The following FSTL4 variants were observed in gnomAD, a reference collection of about 807,000 sequenced individuals.
FSTL4 encodes the protein follistatin like 4, also known as follistatin-related protein 4.
FSTL4 carries 28 observed loss-of-function variants against 78.2 expected under a neutral mutation model. The observed-to-expected ratio is 0.36, with a 90% CI of 0.27 to 0.49. The LOEUF is 0.49. Among genes scored for constraint, FSTL4 ranks in the 20% least tolerant of loss-of-function variants. FSTL4 has a pLI of 0.98. For synonymous variants in FSTL4, 422 were observed against 440.5 expected, an observed-to-expected ratio of 0.96 and a Z score of 0.53; for missense variants, 922 against 1,084.9, an observed-to-expected ratio of 0.85 and a Z score of 2.11.
chr5:133,486,206 A>G lies in FSTL4; in HGVS notation c.160+80980T>C, dbSNP rs542798764. 7.9e-5 allele frequency among the ~76,000 whole-genome samples: 12 copies of G among 152,176 alleles called. No individual in the cohort carries two copies. In the East Asian group the frequency reaches 2.3e-3, roughly 30 times the overall value. ...GAGATCGGGAGCAAGAGACTGACAC[A>G]CACAGACACACTACGAGAGTATCAG... On this transcript the variant is annotated intron_variant, in intron 3 of 15. Transcript: ENST00000265342.
At chr5:133,625,760 C>CATATATATTCCATAT in the FSTL4 span, among the ~76,000 whole-genome samples, 107 of 18,472 alleles carry the variant, frequency 5.8e-3, 42 homozygotes, top group South Asian at 0.017. Context: ...ATATATATTC[C>CATATATATTCCATAT]ATATATATTC....
intron 3 of FSTL4, among the ~76,000 whole-genome samples, chr5:133,428,789 T>C (rs1580702758): frequency 6.6e-6 from 1 of 152,072 alleles, no homozygotes; most frequent in Middle Eastern, 3.4e-3. Flanking sequence ...TTCCAAAGGG[T>C]TTTTCTGTTA....
intron 3 of FSTL4, among the ~76,000 whole-genome samples, chr5:133,545,075 C>T (rs529767936): frequency 6.6e-6 from 1 of 152,296 alleles, no homozygotes; most frequent in African/African-American, 2.4e-5. Flanking sequence ...CCTTATATCA[C>T]ACCTGAGTTT....
chr5:133,233,210 T>C (rs977544685), intron 8 of FSTL4, among the ~76,000 whole-genome samples: 3 of 152,242 alleles, frequency 2.0e-5, no homozygotes, highest in African/African-American at 7.2e-5. Context: ...GTTTCACCTG[T>C]GGAGGCTTTG....
At chr5:133,700,232 C>A in the FSTL4 span, among the ~76,000 whole-genome samples, 11,948 of 149,258 alleles carry the variant, frequency 0.08, 526 homozygotes, top group Middle Eastern at 0.16. Context: ...CACACCAAAC[C>A]ACCACACCAA....
intron 14 of FSTL4, chr5:133,202,845 T>C (rs1197451607): frequency 6.6e-6 from 1 of 152,382 alleles, no homozygotes; most frequent in Non-Finnish European, 1.5e-5. Context: ...CCCTGTGGAC[T>C]TGGCAGGAGA....
At chr5:133,517,510 CAA>C (rs1554068052) in intron 3 of FSTL4, among the ~76,000 whole-genome samples, 4 of 118,674 alleles carry the variant, frequency 3.4e-5, no homozygotes, top group Non-Finnish European at 5.3e-5. Flanking sequence ...CACACACACA[CAA>C]ACTGAAAGCA....
At chr5:133,284,868 G>A (rs1369151575) in intron 6 of FSTL4, among the ~76,000 whole-genome samples, 1 of 152,220 alleles carries the variant, frequency 6.6e-6, no homozygotes, top group African/African-American at 2.4e-5. Context: ...GGGTAGGGTA[G>A]GGGAGTAAAC....
At chr5:133,401,763 C>T (rs1407143230) in intron 3 of FSTL4, among the ~76,000 whole-genome samples, 1 of 152,158 alleles carries the variant, frequency 6.6e-6, no homozygotes, top group Non-Finnish European at 1.5e-5. Flanking sequence ...TTCCCAGAAA[C>T]ACAGCAGGCT....
chr5:133,529,610 G>C (rs924117996), intron 3 of FSTL4, among the ~76,000 whole-genome samples: 1 of 152,100 alleles, frequency 6.6e-6, no homozygotes, highest in African/African-American at 2.4e-5. Context: ...TTTTATAGAT[G>C]AGGATAATTA....
At chr5:133,556,721 C>T (rs1759795695) in intron 3 of FSTL4, among the ~76,000 whole-genome samples, 6 of 152,136 alleles carry the variant, frequency 3.9e-5, no homozygotes, top group Admixed American at 3.9e-4. Context: ...GGTCCATCCC[C>T]CATCCTGTGT....
the FSTL4 span, among the ~76,000 whole-genome samples, chr5:133,792,927 G>A: frequency 6.6e-6 from 1 of 152,222 alleles, no homozygotes; most frequent in Non-Finnish European, 1.5e-5. Context: ...GGAGGGGAAA[G>A]GTCAGAGCTC....
chr5:133,244,443 C>T (rs1199614583), intron 7 of FSTL4: 1 of 152,286 alleles, frequency 6.6e-6, no homozygotes, highest in Non-Finnish European at 1.5e-5. Flanking sequence ...CACATCCAGA[C>T]ACACAGCTGC....
At chr5:133,219,039 T>C (rs948916778) in intron 12 of FSTL4, among the ~76,000 whole-genome samples, 2 of 152,210 alleles carry the variant, frequency 1.3e-5, no homozygotes, top group African/African-American at 2.4e-5. Context: ...TACAGTCTCA[T>C]GGTTTTCCTT....
At chr5:133,816,455 T>C in the FSTL4 span, among the ~76,000 whole-genome samples, 1 of 152,114 alleles carries the variant, frequency 6.6e-6, no homozygotes, top group Non-Finnish European at 1.5e-5. Flanking sequence ...CTCCTAGAGA[T>C]GAAAAGCCCA....
At chr5:133,343,106 T>C (rs1754619134) in intron 4 of FSTL4, among the ~76,000 whole-genome samples, 2 of 152,186 alleles carry the variant, frequency 1.3e-5, no homozygotes, top group South Asian at 4.2e-4. Context: ...CGGGTGATTA[T>C]TGTGCATCAT....
chr5:133,265,641 T>C (rs559864314), intron 6 of FSTL4, among the ~76,000 whole-genome samples: 1 of 152,168 alleles, frequency 6.6e-6, no homozygotes, highest in South Asian at 2.1e-4. Flanking sequence ...ATGTGGTGGG[T>C]TGGGTTTTGG....
chr5:133,793,080 G>A, the FSTL4 span, among the ~76,000 whole-genome samples: 4 of 152,104 alleles, frequency 2.6e-5, no homozygotes, highest in South Asian at 4.2e-4. Context: ...TAAAATACAC[G>A]GTGTGCTTTT....
rs1382262677 is a variant in FSTL4 at position 133,236,250 on chromosome 5, C to T, written c.895-2713G>A. Among the ~76,000 whole-genome samples, 2 of 151,824 alleles carry T rather than the reference C, an allele frequency of 1.3e-5. No individual in the cohort carries two copies. Among genetic ancestry groups the T allele is most frequent in the Non-Finnish European group, 2.9e-5 (2 of 67,822 alleles). The stretch of plus-strand genomic sequence containing the variant: ...TGTGGTGGTGTTTAGTCATCAGCAC[C>T]ACCACATTCCTCAGGTTGAGATGGG... On this transcript the variant is annotated intron_variant, in intron 7 of 15. Transcript: ENST00000265342. This position sits in a 1 kb window ranked among gnomAD's most constrained non-coding sequence, Gnocchi z 5.0.
Sources: allele counts gnomAD v4.1 joint callset (sites outside exome capture counted in the v4.1 genomes callset), GRCh38; gene constraint gnomAD v4.1.1; non-coding constraint Gnocchi (gnomAD v3.1); transcripts MANE v1.5; gene names NCBI Gene and HGNC (gene_info 2026-07-23, HGNC 2026-07-21).